The following FBP2 variants were observed in gnomAD, a reference collection of about 807,000 sequenced individuals.
FBP2 encodes the protein fructose-bisphosphatase 2.
FBP2 carries 27 observed loss-of-function variants against 31.6 expected under a neutral mutation model. That is an observed-to-expected ratio of 0.85 (90% CI 0.63 to 1.18). FBP2 has a LOEUF of 1.18. Ranked by LOEUF, FBP2 falls within the 50% of genes most tolerant of loss-of-function variation. The pLI, the probability that FBP2 is intolerant of heterozygous loss-of-function variation, is 0.00. For synonymous variants in FBP2, 168 were observed against 179.8 expected, an observed-to-expected ratio of 0.93 and a Z score of 0.53; for missense variants, 421 against 436.1, an observed-to-expected ratio of 0.97 and a Z score of 0.31.
intron 4 of FBP2, chr9:94,570,165 C>G (rs531997977): frequency 6.6e-6 from 1 of 152,362 alleles, no homozygotes; most frequent in African/African-American, 2.4e-5. Flanking sequence ...GGGCAGAAAA[C>G]AGAGGCTCTG....
intron 4 of FBP2, among the ~76,000 whole-genome samples, chr9:94,571,231 A>G (rs1294852220): frequency 6.6e-6 from 1 of 152,146 alleles, no homozygotes; most frequent in Admixed American, 6.5e-5. Flanking sequence ...AGAGGGCCTG[A>G]GTTGATGCAA....
intron 1 of FBP2, among the ~76,000 whole-genome samples, chr9:94,592,487 C>G (rs1324545945): frequency 6.6e-6 from 1 of 152,172 alleles, no homozygotes; most frequent in Non-Finnish European, 1.5e-5. Flanking sequence ...GAGAGGACCT[C>G]CCCTGGAATT....
intron 3 of FBP2, among the ~76,000 whole-genome samples, chr9:94,583,410 G>A (rs190168939): frequency 3.2e-4 from 49 of 152,248 alleles, no homozygotes; most frequent in African/African-American, 1.1e-3. Flanking sequence ...CATGAATTAA[G>A]GCTGAGAATT....
intron 3 of FBP2, among the ~76,000 whole-genome samples, chr9:94,578,217 G>C (rs80212958): frequency 0.084 from 12,787 of 152,200 alleles, 605 homozygotes; most frequent in Middle Eastern, 0.16. Flanking sequence ...TGACAAATAA[G>C]ACTAAGTTAG....
At position 94,584,751 on chromosome 9, in the gene FBP2, G is replaced by C. The variant is rs951757914; in HGVS notation, c.334-82C>G. On this transcript the variant is annotated intron_variant, in intron 2 of 6. Transcript: ENST00000375337. ...CTCTGTGTCAGGGCTGTGCGTGGCA[G>C]AGTACACCACATCAAAAAGAGATTG... 9.8e-6 allele frequency: 8 copies of C among 813,090 alleles called. No individual in the cohort carries two copies. The Admixed American group carries it at 1.3e-4, about 13-fold the overall frequency. 50.4% of individuals were successfully genotyped at this position (813,090 alleles called of 1,614,324 possible).
intron 1 of FBP2, among the ~76,000 whole-genome samples, chr9:94,588,933 G>A (rs1827461055): frequency 6.6e-6 from 1 of 152,068 alleles, no homozygotes; most frequent in Admixed American, 6.6e-5. Context: ...TGCCCCACCT[G>A]GGACACTCTT....
At position 94,587,579 on chromosome 9, in the gene FBP2, T is replaced by C. The variant is rs1024173853; in HGVS notation, c.171-110A>G. 41 of 945,488 alleles carry C rather than the reference T, an allele frequency of 4.3e-5. No homozygotes were observed. In the East Asian group the frequency reaches 5.5e-4, roughly 13 times the overall value. 58.6% of individuals were successfully genotyped at this position (945,488 alleles called of 1,614,324 possible). A position where few individuals can be genotyped will look rare whatever the true frequency, so the allele number is the denominator to read the frequency against. On this transcript the variant is annotated intron_variant, in intron 1 of 6. Transcript: ENST00000375337. ...GCAGTCCCCTCTCGTTCTGTGTCTC[T>C]GGAGTCTCCAAGTCACACGTGCAGA... is the stretch of plus-strand genomic sequence containing the variant.
Position 94,558,930 on chromosome 9 carries a change from C to A in FBP2, c.*8G>T. 1 of 1,613,932 alleles carries A rather than the reference C, an allele frequency of 6.2e-7. No individual in the cohort carries two copies. The highest frequency in any genetic ancestry group is 8.5e-7 in the Non-Finnish European group (1 of 1,179,918). ...ACAAACAGAAGAGGGCATGTGGGGTCAAACTCGCTAGCTGCCTGCCTGATT... is the reference window on the plus strand; with the variant it reads ...ACAAACAGAAGAGGGCATGTGGGGTAAAACTCGCTAGCTGCCTGCCTGATT... On this transcript the variant is annotated 3_prime_UTR_variant, in exon 7 of 7. Coordinates refer to ENST00000375337, the MANE Select transcript of FBP2 (RefSeq NM_003837.4).
intron 3 of FBP2, among the ~76,000 whole-genome samples, chr9:94,578,883 C>A (rs529752806): frequency 3.2e-4 from 48 of 150,874 alleles, no homozygotes; most frequent in Non-Finnish European, 5.5e-4. Context: ...GAAACCCAGT[C>A]TCTACTAAAA....
intron 6 of FBP2, among the ~76,000 whole-genome samples, chr9:94,560,050 C>T (rs1384032423): frequency 6.6e-6 from 1 of 152,148 alleles, no homozygotes; most frequent in African/African-American, 2.4e-5. Flanking sequence ...AACTGAGCCC[C>T]GGAGTTCAAG....
At chr9:94,568,986 C>G (rs562570908) in intron 4 of FBP2, 6 of 152,368 alleles carry the variant, frequency 3.9e-5, no homozygotes, top group African/African-American at 1.4e-4. Flanking sequence ...GCAGTGCCTG[C>G]TAAATCTAAC....
At chr9:94,587,837 A>G (rs960362372) in intron 1 of FBP2, among the ~76,000 whole-genome samples, 2 of 151,482 alleles carry the variant, frequency 1.3e-5, no homozygotes, top group Admixed American at 1.3e-4. Context: ...AGCTCCTGGA[A>G]TTTGTTTTTT....
chr9:94,567,478 A>C, intron 4 of FBP2, 71 bp from the exon 5 acceptor site: 18 of 1,565,140 alleles, frequency 1.2e-5, no homozygotes, highest in Admixed American at 1.7e-5. Context: ...CAATCCCCAC[A>C]TCAGAGCAGG....
Position 94,559,029 on chromosome 9 carries a change from G to A in FBP2, c.929C>T (p.Ala310Val). The change falls in exon 7 of 7, where the codon GCA (alanine) becomes GTA (valine). Residue 310 changes from alanine to valine, a missense_variant. Coordinates refer to ENST00000375337, the MANE Select transcript of FBP2 (RefSeq NM_003837.4). The stretch of plus-strand genomic sequence containing the variant: ...AATGAGGGGGACTCGCTGGTGAATT[G>A]CCTCGGGCTTCACGTCCAGTACAGG... The part of the protein sequence containing the change: ...TQPVLDVKPE[A>V]IHQRVPLILG... 1 of 1,614,100 alleles carries A rather than the reference G, an allele frequency of 6.2e-7. No homozygotes were observed. Among genetic ancestry groups the A allele is most frequent in the Non-Finnish European group, 8.5e-7 (1 of 1,180,022 alleles).
At chr9:94,559,181 T>G (rs776475118) in intron 6 of FBP2, 49 bp from the exon 7 acceptor site, 5 of 1,533,988 alleles carry the variant, frequency 3.3e-6, no homozygotes, top group Non-Finnish European at 4.5e-6. Context: ...TGGCCAAATG[T>G]CCCGAGCCAT....
rs141155240 is a variant in FBP2, at chr9:94,572,664, C to T, written c.427-1062G>A. 7.9e-5 allele frequency among the ~76,000 whole-genome samples: 12 copies of T among 152,206 alleles called. No individual in the cohort carries two copies. The East Asian group carries it at 2.3e-3, about 29-fold the overall frequency. On this transcript the variant is annotated intron_variant, in intron 3 of 6. Coordinates refer to ENST00000375337, the MANE Select transcript of FBP2 (RefSeq NM_003837.4). ...TTGTTCCTGTCTGTTTACCCATCAC[C>T]TAGCACAATCCAGTCCACAGATATT...
chr9:94,560,117 C>T (rs1827075093), intron 6 of FBP2, among the ~76,000 whole-genome samples: 1 of 152,146 alleles, frequency 6.6e-6, no homozygotes, highest in African/African-American at 2.4e-5. Flanking sequence ...AGAGCAAGAG[C>T]CTGTCTCAAA....
chr9:94,590,245 C>A (rs1435281618), intron 1 of FBP2, among the ~76,000 whole-genome samples: 2 of 152,180 alleles, frequency 1.3e-5, no homozygotes, highest in South Asian at 4.1e-4. Context: ...GACACTAAAG[C>A]TAACTAACAG....
intron 2 of FBP2, 122 bp from the exon 3 acceptor site, chr9:94,584,791 T>C: frequency 1.5e-6 from 1 of 663,768 alleles, no homozygotes; most frequent in Non-Finnish European, 2.7e-6. Flanking sequence ...CCACAGCATA[T>C]CTTTATCAAA....
Sources: allele counts gnomAD v4.1 joint callset (sites outside exome capture counted in the v4.1 genomes callset), GRCh38; gene constraint gnomAD v4.1.1; transcripts MANE v1.5; gene names NCBI Gene and HGNC (gene_info 2026-07-23, HGNC 2026-07-21).